Variants in LRRC4C observed in about 807,000 individuals in gnomAD.
LRRC4C encodes leucine rich repeat containing 4C, also known as leucine-rich repeat-containing protein 4C.
A neutral mutation model predicts 33.6 loss-of-function variants in LRRC4C; 5 were observed. That is an observed-to-expected ratio of 0.15 (90% CI 0.08 to 0.31). The LOEUF is 0.31. Ranked by LOEUF, LRRC4C falls within the 10% of genes least tolerant of loss-of-function variation. The pLI, the probability that LRRC4C is intolerant of heterozygous loss-of-function variation, is 1.00. For missense variants in LRRC4C, 560 were observed against 796.7 expected (o/e 0.70, Z 3.58); for synonymous variants, 329 against 302.0 (o/e 1.09, Z -0.93).
chr11:40,367,197 TTTC>T (rs1169379194), intron 3 of LRRC4C, among the ~76,000 whole-genome samples: 3 of 152,126 alleles, frequency 2.0e-5, no homozygotes, highest in Non-Finnish European at 4.4e-5. Flanking sequence ...ATTAATTTAA[TTTC>T]TTGTTTAATT....
At chr11:41,014,488 GT>G (rs11293192) in intron 1 of LRRC4C, among the ~76,000 whole-genome samples, 78,128 of 140,762 alleles carry the variant, frequency 0.56, 21,192 homozygotes, top group South Asian at 0.63. Flanking sequence ...TTCTATTGCA[GT>G]TTTTTTTTTT....
At chr11:41,198,442 C>T (rs913564361) in intron 1 of LRRC4C, among the ~76,000 whole-genome samples, 1 of 151,970 alleles carries the variant, frequency 6.6e-6, no homozygotes, top group African/African-American at 2.4e-5. Context: ...TCAATATTTT[C>T]AGGATTCAGA....
intron 2 of LRRC4C, among the ~76,000 whole-genome samples, chr11:40,716,107 T>C (rs561512438): frequency 6.6e-6 from 1 of 152,004 alleles, no homozygotes; most frequent in South Asian, 2.1e-4. Context: ...TCTATTTATA[T>C]AAATTGTAAA....
intron 3 of LRRC4C, among the ~76,000 whole-genome samples, chr11:40,514,222 T>C (rs1241390595): frequency 2.0e-5 from 3 of 152,172 alleles, no homozygotes; most frequent in African/African-American, 7.2e-5. Flanking sequence ...TACTTTTATT[T>C]AATAACAAAA....
At chr11:40,834,911 GACACACACACAC>G (rs10682975) in intron 2 of LRRC4C, among the ~76,000 whole-genome samples, 3 of 84,932 alleles carry the variant, frequency 3.5e-5, no homozygotes, top group African/African-American at 1.0e-4. Context: ...CAGACAGACA[GACACACACACAC>G]ACACACACAC....
intron 1 of LRRC4C, among the ~76,000 whole-genome samples, chr11:41,299,054 A>G (rs1325650519): frequency 2.6e-5 from 4 of 152,166 alleles, no homozygotes; most frequent in African/African-American, 9.6e-5. Flanking sequence ...GGCTGACTCC[A>G]TATCTTTGCT....
chr11:41,102,555 G>A (rs187774836), intron 1 of LRRC4C, among the ~76,000 whole-genome samples: 39 of 152,050 alleles, frequency 2.6e-4, no homozygotes, highest in African/African-American at 7.7e-4. Context: ...AAATCATCAC[G>A]TAAACCATGA....
At chr11:41,015,532 T>C (rs978570723) in intron 1 of LRRC4C, among the ~76,000 whole-genome samples, 1 of 152,058 alleles carries the variant, frequency 6.6e-6, no homozygotes, top group Admixed American at 6.6e-5. Flanking sequence ...CAGTCTGGTT[T>C]TGAACTCCTG....
At chr11:41,164,303 C>T (rs1166669866) in intron 1 of LRRC4C, among the ~76,000 whole-genome samples, 1 of 151,292 alleles carries the variant, frequency 6.6e-6, no homozygotes, top group African/African-American at 2.4e-5. Flanking sequence ...TCCACTTCCA[C>T]ATCTTGTTCC....
At chr11:40,401,101 CTT>C (rs2137543917) in intron 3 of LRRC4C, among the ~76,000 whole-genome samples, 1 of 152,124 alleles carries the variant, frequency 6.6e-6, no homozygotes, top group Admixed American at 6.6e-5. Flanking sequence ...TCTGTACTGT[CTT>C]TTTAAACTTC....
intron 1 of LRRC4C, among the ~76,000 whole-genome samples, chr11:41,302,286 G>A (rs1950308981): frequency 1.3e-5 from 2 of 152,198 alleles, no homozygotes; most frequent in Non-Finnish European, 2.9e-5. Flanking sequence ...TTATTGAAGT[G>A]TTAATATATC....
chr11:41,410,820 C>T (rs1447784139), intron 1 of LRRC4C, among the ~76,000 whole-genome samples: 2 of 151,972 alleles, frequency 1.3e-5, no homozygotes, highest in Non-Finnish European at 2.9e-5. Flanking sequence ...ACATTATCAA[C>T]CTCAAAATAA....
At chr11:41,271,156 C>T (rs1244584864) in intron 1 of LRRC4C, among the ~76,000 whole-genome samples, 1 of 152,044 alleles carries the variant, frequency 6.6e-6, no homozygotes, top group African/African-American at 2.4e-5. Flanking sequence ...CTATAGTTGC[C>T]TCACATACGG....
intron 1 of LRRC4C, among the ~76,000 whole-genome samples, chr11:41,070,745 T>G (rs1184623661): frequency 6.6e-6 from 1 of 151,990 alleles, no homozygotes; most frequent in Non-Finnish European, 1.5e-5. Flanking sequence ...GAATGACAAT[T>G]ACTGAAAAGT....
intron 6 of LRRC4C, among the ~76,000 whole-genome samples, chr11:40,128,501 T>G (rs1323242848): frequency 6.6e-6 from 1 of 152,240 alleles, no homozygotes; most frequent in East Asian, 1.9e-4. Context: ...TGACAATTCA[T>G]TCTTTTTAGA....
intron 3 of LRRC4C, among the ~76,000 whole-genome samples, chr11:40,476,791 T>C (rs1263917936): frequency 6.6e-6 from 1 of 152,240 alleles, no homozygotes; most frequent in African/African-American, 2.4e-5. Flanking sequence ...TTTTTAATGG[T>C]AAGAATAAAC....
At chr11:40,366,840 T>C (rs961418749) in intron 3 of LRRC4C, among the ~76,000 whole-genome samples, 3 of 152,080 alleles carry the variant, frequency 2.0e-5, no homozygotes, top group African/African-American at 7.2e-5. Flanking sequence ...GCAAGTCTCC[T>C]TACATTTCTC....
chr11:40,692,904 A>G (rs1288784977), intron 2 of LRRC4C, among the ~76,000 whole-genome samples: 1 of 152,146 alleles, frequency 6.6e-6, no homozygotes, highest in Non-Finnish European at 1.5e-5. Flanking sequence ...AAGATAGTAC[A>G]GTCCTAGGTA....
intron 1 of LRRC4C, among the ~76,000 whole-genome samples, chr11:41,405,678 A>G (rs1202441960): frequency 1.3e-5 from 2 of 152,154 alleles, no homozygotes; most frequent in Non-Finnish European, 2.9e-5. Context: ...ATTTTAAATC[A>G]TCATCAAGGA....
Sources: gnomAD v4.1 joint callset for allele counts (sites outside exome capture counted in the v4.1 genomes callset) on GRCh38, gnomAD v4.1.1 for gene constraint, MANE v1.5 for transcripts, NCBI Gene and HGNC (gene_info 2026-07-23, HGNC 2026-07-21) for gene names.